The following FAM81B variants were observed in gnomAD, a reference collection of about 807,000 sequenced individuals.
FAM81B encodes protein FAM81B.
Under a neutral mutation model 58.7 loss-of-function variants are expected in FAM81B, and 60 were observed. That is an observed-to-expected ratio of 1.02 (90% CI 0.83 to 1.27). The LOEUF is 1.27. Among genes scored for constraint, FAM81B ranks in the 50% most tolerant of loss-of-function variants. The pLI, the probability that FAM81B is intolerant of heterozygous loss-of-function variation, is 0.00. For missense variants in FAM81B, 491 were observed against 522.0 expected, an observed-to-expected ratio of 0.94 and a Z score of 0.58; for synonymous variants, 189 against 179.6, an observed-to-expected ratio of 1.05 and a Z score of -0.42.
chr5:95,409,288 G>A (rs151049131), intron 3 of FAM81B, among the ~76,000 whole-genome samples: 9 of 151,800 alleles, frequency 5.9e-5, no homozygotes, highest in Admixed American at 2.6e-4. Context: ...CCTCCCGAGC[G>A]TCTGGGACTA....
intron 2 of FAM81B, among the ~76,000 whole-genome samples, chr5:95,394,645 A>T (rs1433932709): frequency 6.6e-6 from 1 of 152,150 alleles, no homozygotes; most frequent in Non-Finnish European, 1.5e-5. Flanking sequence ...CGAGGGGAAG[A>T]CGTGGCTTAA....
At chr5:95,423,650 G>A (rs923899450) in intron 5 of FAM81B, among the ~76,000 whole-genome samples, 1 of 151,856 alleles carries the variant, frequency 6.6e-6, no homozygotes, top group Non-Finnish European at 1.5e-5. Context: ...TGACAGGCCT[G>A]GTCAGAGAGG....
intron 6 of FAM81B, among the ~76,000 whole-genome samples, chr5:95,430,079 T>C (rs1296698371): frequency 1.3e-5 from 2 of 152,196 alleles, no homozygotes; most frequent in Non-Finnish European, 2.9e-5. Context: ...TATACAGTTA[T>C]TGTATAATAA....
At chr5:95,434,018 A>G (rs57529864) in intron 6 of FAM81B, among the ~76,000 whole-genome samples, 26,567 of 152,154 alleles carry the variant, frequency 0.17, 3,849 homozygotes, top group African/African-American at 0.4. Context: ...ATCAATCCCC[A>G]TACCTTTTGT....
At position 95,427,278 on chromosome 5, in the gene FAM81B, A is replaced by G. The variant is rs115198005; in HGVS notation, c.657-1325A>G. On this transcript the variant is annotated intron_variant, in intron 5 of 9. Coordinates refer to ENST00000283357, the MANE Select transcript of FAM81B (RefSeq NM_152548.3). The stretch of plus-strand genomic sequence containing the variant: ...GGTCTTAATATGGACTCACATCAGG[A>G]CATTCTAACTAACCAACAATAGAGG... 2.6e-3 allele frequency among the ~76,000 whole-genome samples: 400 copies of G among 152,288 alleles called. 1 individual carries two copies. The highest frequency in any genetic ancestry group is 9.2e-3 in the African/African-American group (382 of 41,552).
chr5:95,400,263 T>A lies in FAM81B; in HGVS notation c.293+4088T>A, dbSNP rs562502331. ...CCTTCTGAGGGCTCCAAGGGGAACC[T>A]GTTCCTTGTCTCCTGCCTAGCTTTT... On this transcript the variant is annotated intron_variant, in intron 3 of 9. Transcript: ENST00000283357. Among the ~76,000 whole-genome samples the A allele has an allele frequency of 3.3e-5, 5 of 152,302 alleles. No homozygotes were observed. In the South Asian group the frequency reaches 1.0e-3, roughly 32 times the overall value.
intron 7 of FAM81B, among the ~76,000 whole-genome samples, chr5:95,440,853 A>G (rs1582827657): frequency 6.6e-6 from 1 of 151,356 alleles, no homozygotes; most frequent in African/African-American, 2.4e-5. Flanking sequence ...AAGTAGGGGA[A>G]AAAAAAGAGC....
intron 8 of FAM81B, among the ~76,000 whole-genome samples, chr5:95,447,979 G>GT (rs1476028521): frequency 6.6e-6 from 1 of 152,142 alleles, no homozygotes; most frequent in African/African-American, 2.4e-5. Flanking sequence ...AGGAAAAGCA[G>GT]TATCTAAAAT....
At chr5:95,423,915 AGCATTACTTAGAG>A (rs1397278963) in intron 5 of FAM81B, 3 of 802,392 alleles carry the variant, frequency 3.7e-6, no homozygotes, top group Non-Finnish European at 5.4e-6. Flanking sequence ...GGAATCAAGC[AGCATTACTTAGAG>A]GCTCGGGTGG....
At chr5:95,415,353 C>G (rs529430165) in intron 4 of FAM81B, among the ~76,000 whole-genome samples, 1 of 152,218 alleles carries the variant, frequency 6.6e-6, no homozygotes, top group African/African-American at 2.4e-5. Context: ...TGGGATTGAA[C>G]CAGCAATTAC....
At chr5:95,447,831 G>A (rs1166751484) in intron 8 of FAM81B, among the ~76,000 whole-genome samples, 4 of 152,200 alleles carry the variant, frequency 2.6e-5, no homozygotes, top group African/African-American at 9.6e-5. Flanking sequence ...CTCCATCACA[G>A]ACCAATTAAA....
intron 3 of FAM81B, chr5:95,396,817 T>C (rs919828942): frequency 3.3e-5 from 5 of 152,288 alleles, no homozygotes; most frequent in Non-Finnish European, 5.9e-5. Context: ...CTGTCATTCA[T>C]GTTTTCAGGG....
intron 1 of FAM81B, among the ~76,000 whole-genome samples, chr5:95,392,591 T>C (rs987897269): frequency 9.2e-5 from 14 of 152,168 alleles, no homozygotes; most frequent in Non-Finnish European, 1.9e-4. Context: ...AAAGAAATGC[T>C]CTTCTAGCTA....
At chr5:95,415,602 T>C (rs527458898) in intron 4 of FAM81B, among the ~76,000 whole-genome samples, 1 of 152,302 alleles carries the variant, frequency 6.6e-6, no homozygotes, top group East Asian at 1.9e-4. Flanking sequence ...ATCATGAAAG[T>C]GACAAGAGGC....
intron 3 of FAM81B, among the ~76,000 whole-genome samples, chr5:95,400,408 A>AT (rs1762075941): frequency 1.1e-5 from 1 of 92,766 alleles, no homozygotes; most frequent in African/African-American, 5.0e-5. Context: ...CTTCACATAC[A>AT]TACATACATA....
intron 5 of FAM81B, 116 bp downstream of exon 5, chr5:95,420,518 T>G: frequency 7.2e-7 from 1 of 1,381,668 alleles, no homozygotes; most frequent in Non-Finnish European, 9.8e-7. Context: ...TAAGCTAAAC[T>G]AATGAGATGG....
chr5:95,408,817 A>G (rs1361897283), intron 3 of FAM81B, among the ~76,000 whole-genome samples: 2 of 152,228 alleles, frequency 1.3e-5, no homozygotes, highest in East Asian at 3.8e-4. Context: ...AGCTATAACT[A>G]TTTATAAAGT....
intron 7 of FAM81B, among the ~76,000 whole-genome samples, chr5:95,441,841 G>C (rs992579692): frequency 6.6e-6 from 1 of 152,112 alleles, no homozygotes. Flanking sequence ...GCTAAGTAAT[G>C]TCCTAAGCCT....
chr5:95,448,233 C>A, intron 8 of FAM81B, 36 bp from the exon 9 acceptor site: 1 of 1,533,532 alleles, frequency 6.5e-7, no homozygotes, highest in Non-Finnish European at 8.8e-7. Context: ...AATCCATGTA[C>A]ATTTCTGAAG....
Sources: allele counts gnomAD v4.1 joint callset (sites outside exome capture counted in the v4.1 genomes callset), GRCh38; gene constraint gnomAD v4.1.1; transcripts MANE v1.5; gene names NCBI Gene and HGNC (gene_info 2026-07-23, HGNC 2026-07-21).